Variants in SLC25A21 observed in about 807,000 individuals in gnomAD.
SLC25A21 encodes the protein mitochondrial 2-oxodicarboxylate carrier.
In SLC25A21, 47 loss-of-function variants were observed where a neutral mutation model predicts 43.8. The ratio of observed to expected loss-of-function variants is 1.07; its 90% CI spans 0.85 to 1.37. The LOEUF (loss-of-function observed/expected upper bound fraction) is 1.37. Among genes scored for constraint, SLC25A21 ranks in the 40% most tolerant of loss-of-function variants. SLC25A21 has a pLI of 0.00. For missense variants in SLC25A21, 352 were observed against 350.2 expected (o/e 1.00, Z -0.04); for synonymous variants, 131 against 121.3 (o/e 1.08, Z -0.52).
intron 1 of SLC25A21, among the ~76,000 whole-genome samples, chr14:37,041,052 C>T (rs868122998): frequency 6.6e-6 from 1 of 152,016 alleles, no homozygotes; most frequent in Non-Finnish European, 1.5e-5. Flanking sequence ...TATTTATAGG[C>T]TTGCAGGAGG....
intron 2 of SLC25A21, among the ~76,000 whole-genome samples, chr14:36,853,406 G>T (rs1355733851): frequency 6.6e-6 from 1 of 152,192 alleles, no homozygotes; most frequent in Non-Finnish European, 1.5e-5. Flanking sequence ...TCACATAGGA[G>T]TATGGTTGCT....
Position 37,059,754 on chromosome 14 carries a change from A to G in SLC25A21, c.70+112527T>C, listed in dbSNP as rs898963266. 3.9e-5 allele frequency among the ~76,000 whole-genome samples: 6 copies of G among 152,178 alleles called. No homozygotes were observed. In the East Asian group the frequency reaches 5.8e-4, roughly 15 times the overall value. On this transcript the variant is annotated intron_variant, in intron 1 of 9. Transcript: ENST00000331299. ...ATAAACAGGGTCTGGTGACAATGTC[A>G]GCATCTGAGGTGCCTTAGCTAGTCT... is the stretch of plus-strand genomic sequence containing the variant.
intron 1 of SLC25A21, among the ~76,000 whole-genome samples, chr14:37,169,084 C>T (rs1414018001): frequency 1.3e-5 from 2 of 152,132 alleles, no homozygotes; most frequent in African/African-American, 4.8e-5. Context: ...AACTACGTGG[C>T]TGTGGTTTAG....
At chr14:36,896,333 G>A (rs976123131) in intron 1 of SLC25A21, among the ~76,000 whole-genome samples, 3 of 152,122 alleles carry the variant, frequency 2.0e-5, no homozygotes, top group Non-Finnish European at 4.4e-5. Flanking sequence ...TTGGTTTAAA[G>A]TCTGTTTTGT....
intron 3 of SLC25A21, among the ~76,000 whole-genome samples, chr14:36,746,684 C>T (rs1475362264): frequency 6.6e-6 from 1 of 152,184 alleles, no homozygotes; most frequent in Non-Finnish European, 1.5e-5. Flanking sequence ...CTCTCATCTT[C>T]TCACCAGCTC....
chr14:36,790,682 G>C (rs1385596859), intron 3 of SLC25A21, among the ~76,000 whole-genome samples: 1 of 152,068 alleles, frequency 6.6e-6, no homozygotes, highest in Non-Finnish European at 1.5e-5. Flanking sequence ...TCCTCTTTTA[G>C]GAAAGCCATA....
intron 2 of SLC25A21, among the ~76,000 whole-genome samples, chr14:36,872,966 G>A (rs543202780): frequency 4.0e-4 from 61 of 152,234 alleles, no homozygotes; most frequent in Admixed American, 9.2e-4. Context: ...CTCAATACAC[G>A]TGTGTTGAAT....
chr14:36,721,257 G>A (rs1884364042), intron 6 of SLC25A21, among the ~76,000 whole-genome samples: 1 of 152,184 alleles, frequency 6.6e-6, no homozygotes, highest in Admixed American at 6.5e-5. Flanking sequence ...AGGCCATACT[G>A]ACAGCTTTAT....
At position 36,955,931 on chromosome 14, in the gene SLC25A21, A is replaced by T. The variant is rs539908129; in HGVS notation, c.71-80927T>A. Among the ~76,000 whole-genome samples the T allele has an allele frequency of 9.9e-5, 15 of 152,268 alleles. No homozygotes were observed. The South Asian group carries it at 2.9e-3, about 29-fold the overall frequency. ...TGCTGGTCAATAAACTTGGTACCAG[A>T]TATAAACAAAACATTCCATTCAACA... On this transcript the variant is annotated intron_variant, in intron 1 of 9. Transcript: ENST00000331299.
intron 1 of SLC25A21, among the ~76,000 whole-genome samples, chr14:36,899,728 C>A (rs1010266274): frequency 6.6e-6 from 1 of 152,172 alleles, no homozygotes; most frequent in Non-Finnish European, 1.5e-5. Flanking sequence ...ATGCCATTGT[C>A]TACAAAAACT....
chr14:36,759,507 T>A (rs1886061367), intron 3 of SLC25A21: 1 of 152,228 alleles, frequency 6.6e-6, no homozygotes, highest in South Asian at 2.1e-4. Flanking sequence ...GTTTTGTGGT[T>A]CTGAGACAAC....
intron 6 of SLC25A21, among the ~76,000 whole-genome samples, chr14:36,718,123 T>A (rs937869732): frequency 6.6e-6 from 1 of 152,310 alleles, no homozygotes; most frequent in East Asian, 1.9e-4. Context: ...ATAGTAGATA[T>A]TCTGTAAATG....
intron 3 of SLC25A21, among the ~76,000 whole-genome samples, chr14:36,777,527 G>C (rs1361201473): frequency 6.6e-6 from 1 of 152,104 alleles, no homozygotes; most frequent in African/African-American, 2.4e-5. Context: ...TTGATGCTGG[G>C]TATTCTTATA....
At chr14:36,686,482 G>C (rs1402013335) in intron 7 of SLC25A21, among the ~76,000 whole-genome samples, 3 of 152,240 alleles carry the variant, frequency 2.0e-5, no homozygotes, top group East Asian at 3.9e-4. Flanking sequence ...CCTCTGATGA[G>C]TCACTGAATC....
At chr14:37,141,998 T>G (rs965989882) in intron 1 of SLC25A21, among the ~76,000 whole-genome samples, 1 of 152,194 alleles carries the variant, frequency 6.6e-6, no homozygotes, top group Non-Finnish European at 1.5e-5. Context: ...CTGCATCTTT[T>G]CATGTTACCC....
chr14:37,097,519 G>GA (rs1468221464), intron 1 of SLC25A21, among the ~76,000 whole-genome samples: 1 of 152,026 alleles, frequency 6.6e-6, no homozygotes, highest in East Asian at 1.9e-4. Context: ...ATATTCTCAG[G>GA]AAAAACACCC....
chr14:36,706,415 G>C (rs1288537916), intron 7 of SLC25A21, among the ~76,000 whole-genome samples: 1 of 152,128 alleles, frequency 6.6e-6, no homozygotes, highest in East Asian at 1.9e-4. Context: ...ACCAGTAAGG[G>C]ACAAGACTTC....
intron 1 of SLC25A21, among the ~76,000 whole-genome samples, chr14:37,001,978 G>A (rs993050099): frequency 5.3e-5 from 8 of 151,896 alleles, no homozygotes; most frequent in African/African-American, 1.9e-4. Flanking sequence ...AGAAAATGTG[G>A]CATGAATAGT....
At chr14:37,036,818 G>A (rs1961336699) in intron 1 of SLC25A21, among the ~76,000 whole-genome samples, 1 of 152,160 alleles carries the variant, frequency 6.6e-6, no homozygotes, top group Admixed American at 6.5e-5. Context: ...ACATACATCA[G>A]GGGAGAAGAA....
Sources: allele counts gnomAD v4.1 joint callset (sites outside exome capture counted in the v4.1 genomes callset), GRCh38; gene constraint gnomAD v4.1.1; transcripts MANE v1.5; gene names NCBI Gene and HGNC (gene_info 2026-07-23, HGNC 2026-07-21).